SCAP: variants seen among roughly 807,000 people sequenced by gnomAD.
SCAP encodes the protein SREBF chaperone, also known as sterol regulatory element-binding protein cleavage-activating protein.
Under a neutral mutation model 123.6 loss-of-function variants are expected in SCAP, and 65 were observed. The ratio of observed to expected loss-of-function variants is 0.53; its 90% CI spans 0.43 to 0.65. SCAP has a LOEUF of 0.65. Ranked by LOEUF, SCAP falls within the 30% of genes least tolerant of loss-of-function variation. The probability of loss-of-function intolerance (pLI) is 0.00; values close to 1 mark genes in which losing one functional copy is unlikely to be tolerated. For missense variants in SCAP, 1,398 were observed against 1,712.5 expected (o/e 0.82, Z 3.24); for synonymous variants, 740 against 726.3 (o/e 1.02, Z -0.30).
At chr3:47,465,009 C>A (rs1054598312) in intron 1 of SCAP, among the ~76,000 whole-genome samples, 1 of 151,936 alleles carries the variant, frequency 6.6e-6, no homozygotes, top group African/African-American at 2.4e-5. Context: ...GGAAAACATT[C>A]CATTTATAAT....
chr3:47,455,613 A>G (rs1232000257), intron 1 of SCAP, among the ~76,000 whole-genome samples: 4 of 151,094 alleles, frequency 2.6e-5, no homozygotes, highest in South Asian at 2.1e-4. Flanking sequence ...AAAAAAAAAA[A>G]AAAGAAACCA....
chr3:47,471,953 C>T (rs1293286179), intron 1 of SCAP, among the ~76,000 whole-genome samples: 1 of 150,322 alleles, frequency 6.7e-6, no homozygotes, highest in Non-Finnish European at 1.5e-5. Context: ...CCAGCCTAAC[C>T]AATATGGTGA....
chr3:47,421,279 C>T, intron 10 of SCAP: 6 of 493,846 alleles, frequency 1.2e-5, no homozygotes, highest in Non-Finnish European at 2.2e-5. Flanking sequence ...AAGTACCTTC[C>T]CTGAATCTTC....
chr3:47,427,372 G>T, intron 5 of SCAP, 75 bp downstream of exon 5: 1 of 1,562,168 alleles, frequency 6.4e-7, no homozygotes, highest in Non-Finnish European at 8.8e-7. Context: ...ACCCTGATCT[G>T]CCTAAGCACA....
chr3:47,450,209 G>A (rs1409536675), intron 1 of SCAP, among the ~76,000 whole-genome samples: 1 of 123,952 alleles, frequency 8.1e-6, no homozygotes, highest in Non-Finnish European at 1.8e-5. Flanking sequence ...TGTTGGCCAG[G>A]CTGGTCTCCA....
chr3:47,417,522 G>A lies in SCAP; in HGVS notation c.2752C>T (p.Arg918Trp), dbSNP rs773031188. ...PGYDFSCLVQRVYQEEGLAAV... is the reference protein window; with the variant it reads ...PGYDFSCLVQWVYQEEGLAAV... ...GCCAGCCCCTCCTCCTGGTACACCC[G>A]CTGCACCAGGCAGCTGAAGTCATAG... Residue 918 changes from arginine to tryptophan, a missense_variant, in exon 17 of 23, where the codon CGG becomes TGG. Physicochemically the swap from Arg to Trp is moderately radical, Grantham distance 101. Coordinates refer to ENST00000265565, the MANE Select transcript of SCAP (RefSeq NM_012235.4). 1.8e-5 allele frequency: 28 copies of A among 1,561,142 alleles called. No homozygotes were observed. The highest frequency in any genetic ancestry group is 9.5e-5 in the East Asian group (4 of 42,138).
chr3:47,432,314 GAAAAA>G (rs11308011), intron 3 of SCAP, among the ~76,000 whole-genome samples: 1 of 75,702 alleles, frequency 1.3e-5, no homozygotes, highest in Non-Finnish European at 2.6e-5. Context: ...ACTCCGTCTT[GAAAAA>G]AAAAAAAAAA....
At chr3:47,461,825 G>A (rs1219072989) in intron 1 of SCAP, among the ~76,000 whole-genome samples, 2 of 152,182 alleles carry the variant, frequency 1.3e-5, no homozygotes, top group African/African-American at 4.8e-5. Flanking sequence ...CTTCAGGTCA[G>A]GAGTTTGAGA....
chr3:47,443,268 ACACACACACTCTCT>A (rs1483159507), intron 1 of SCAP, 177 bp from the exon 2 acceptor site: 80 of 143,076 alleles, frequency 5.6e-4, no homozygotes, highest in African/African-American at 3.4e-3. Flanking sequence ...ACACACACAC[ACACACACACTCTCT>A]CTCTCTCTCT....
chr3:47,468,677 C>G (rs1052742838), intron 1 of SCAP, among the ~76,000 whole-genome samples: 10 of 152,154 alleles, frequency 6.6e-5, no homozygotes, highest in Admixed American at 3.3e-4. Context: ...GTTGCCTGTT[C>G]AGTCTGATGG....
rs1421259727 is a variant in SCAP, at chr3:47,445,876, T to A, written c.-98-2785A>T. Among the ~76,000 whole-genome samples, 8 of 143,090 alleles carry A rather than the reference T, an allele frequency of 5.6e-5. No individual in the cohort carries two copies. The South Asian group carries it at 1.8e-3, about 32-fold the overall frequency. 93.9% of individuals were successfully genotyped at this position (143,090 alleles called of 152,430 possible). A position where few individuals can be genotyped will look rare whatever the true frequency, so the allele number is the denominator to read the frequency against. On this transcript the variant is annotated intron_variant, in intron 1 of 22. Transcript: ENST00000265565. ...GTGAGCCACCACACCCTGTCTCAATTTTTTTTTTTTTTTTTTTTGAGACAG... is the reference window on the plus strand; with the variant it reads ...GTGAGCCACCACACCCTGTCTCAATATTTTTTTTTTTTTTTTTTGAGACAG...
intron 1 of SCAP, among the ~76,000 whole-genome samples, chr3:47,466,136 C>CAAAAAA (rs1169935544): frequency 1.1e-4 from 11 of 96,150 alleles, no homozygotes; most frequent in Non-Finnish European, 2.0e-4. Context: ...TCTTAAAAAC[C>CAAAAAA]AAAAAAAAAA....
Position 47,418,175 on chromosome 3 carries a change from G to A in SCAP, c.2406C>T (p.Asp802=), listed in dbSNP as rs770156152. The change falls in exon 16 of 23, where the codon GAC becomes GAT. Residue 802 remains aspartate, a synonymous_variant. Coordinates refer to ENST00000265565, the MANE Select transcript of SCAP (RefSeq NM_012235.4). The part of the protein sequence containing the change: ...CCLAGHVCVW[D]AQTGDCLTRI... ...GCGTTAGGCAATCCCCGGTCTGCGC[G>A]TCCCACACGCAGACGTGGCCTGCCA... The A allele has an allele frequency of 5.7e-6, 9 of 1,574,020 alleles. No homozygotes were observed. The highest frequency in any genetic ancestry group is 2.3e-5 in the East Asian group (1 of 42,662).
At chr3:47,418,007 G>C (rs1361281683) in intron 16 of SCAP, 127 bp downstream of exon 16, 1 of 593,674 alleles carries the variant, frequency 1.7e-6, no homozygotes, top group African/African-American at 2.4e-5. Flanking sequence ...GCGGGGGTGG[G>C]GGGAGAGGGG....
At chr3:47,418,294 C>T in intron 15 of SCAP, 27 bp downstream of exon 15, 1 of 1,553,584 alleles carries the variant, frequency 6.4e-7, no homozygotes. Context: ...CGGCCCTCCC[C>T]TACCCGGCCA....
intron 3 of SCAP, among the ~76,000 whole-genome samples, chr3:47,434,453 T>C (rs1706488367): frequency 6.6e-6 from 1 of 152,178 alleles, no homozygotes; most frequent in Admixed American, 6.5e-5. Flanking sequence ...TTTTTTCTCA[T>C]TTATATCAGT....
chr3:47,456,307 C>T (rs1342111660), intron 1 of SCAP, among the ~76,000 whole-genome samples: 1 of 152,062 alleles, frequency 6.6e-6, no homozygotes, highest in African/African-American at 2.4e-5. Context: ...GAGGCTGAAG[C>T]GGGTGGATTA....
Position 47,420,848 on chromosome 3 carries a change from G to C in SCAP, c.1345-76C>G, listed in dbSNP as rs1194442095. ...CGCACAGGACCGCTGTCCTGCCCGA[G>C]GTCTACACCCTTCTCACCCAGGACT... On this transcript the variant is annotated intron_variant, in intron 11 of 22. Transcript: ENST00000265565. This position sits in a 1 kb window ranked among gnomAD's most constrained non-coding sequence, Gnocchi z 5.0. 1.3e-6 allele frequency: 2 copies of C among 1,585,634 alleles called. No homozygotes were observed. The highest frequency in any genetic ancestry group is 1.7e-6 in the Non-Finnish European group (2 of 1,155,786).
Position 47,442,789 on chromosome 3 carries a change from AAGGGCTCCAT to A in SCAP, c.122+73_122+82del, listed in dbSNP as rs1011289399. The A allele has an allele frequency of 4.7e-6, 6 of 1,281,822 alleles. No individual in the cohort carries two copies. In the Admixed American group the frequency reaches 1.1e-4, roughly 23 times the overall value. The allele number at this position is 1,281,822 out of a possible 1,614,324, so 79.4% of individuals were successfully genotyped here. A position where few individuals can be genotyped will look rare whatever the true frequency, so the allele number is the denominator to read the frequency against. ...ATTGTGTAAAAAGCATACAGAGGCC[AAGGGCTCCAT>A]AGTGGTTAGGGTTAGAAAACCTACT... On this transcript the variant is annotated intron_variant, in intron 2 of 22. Transcript: ENST00000265565.
Sources: gnomAD v4.1 joint callset for allele counts (sites outside exome capture counted in the v4.1 genomes callset) on GRCh38, gnomAD v4.1.1 for gene constraint, Gnocchi (gnomAD v3.1) non-coding constraint, MANE v1.5 for transcripts, NCBI Gene and HGNC (gene_info 2026-07-23, HGNC 2026-07-21) for gene names.